The following MIS18BP1 variants were observed in gnomAD, a reference collection of about 807,000 sequenced individuals.
MIS18BP1 encodes the protein MIS18 binding protein 1.
In MIS18BP1, 72 loss-of-function variants were observed where a neutral mutation model predicts 116.1. The observed-to-expected ratio is 0.62, with a 90% CI of 0.51 to 0.75. The LOEUF (loss-of-function observed/expected upper bound fraction) is 0.75, where lower values mean the gene tolerates loss of function less well. Ranked by LOEUF, MIS18BP1 falls within the 30% of genes least tolerant of loss-of-function variation. The pLI, the probability that MIS18BP1 is intolerant of heterozygous loss-of-function variation, is 0.00. For missense variants in MIS18BP1, 1,363 were observed against 1,303.2 expected, an observed-to-expected ratio of 1.05 and a Z score of -0.71; for synonymous variants, 386 against 427.0, an observed-to-expected ratio of 0.90 and a Z score of 1.18.
intron 12 of MIS18BP1, among the ~76,000 whole-genome samples, chr14:45,217,514 A>T (rs1205298881): frequency 6.6e-6 from 1 of 152,200 alleles, no homozygotes; most frequent in Non-Finnish European, 1.5e-5. Flanking sequence ...TTATTTCTAC[A>T]CTGGGATCTG....
chr14:45,239,929 A>G (rs1446748081), intron 4 of MIS18BP1, among the ~76,000 whole-genome samples: 4 of 152,216 alleles, frequency 2.6e-5, no homozygotes, highest in Non-Finnish European at 1.5e-5. Flanking sequence ...ACTGGGGCCA[A>G]TGGTATTACA....
intron 11 of MIS18BP1, among the ~76,000 whole-genome samples, chr14:45,219,542 G>C (rs1039439815): frequency 6.6e-6 from 1 of 152,042 alleles, no homozygotes; most frequent in African/African-American, 2.4e-5. Flanking sequence ...TGAGTTTTAA[G>C]CATTATCTTT....
rs1890645573 is a variant in MIS18BP1 at position 45,210,482 on chromosome 14, T to G, written c.3050A>C (p.Asn1017Thr). The change falls in exon 14 of 17, where the codon AAT becomes ACT. Residue 1017 changes from asparagine (N) to threonine (T), a missense_variant. By Grantham distance (65) the Asn-to-Thr change is moderately conservative. Coordinates refer to ENST00000310806, the MANE Select transcript of MIS18BP1 (RefSeq NM_018353.5). ...DSEDDDDILP[N>T]MDKNPTTPSS... Reference sequence around the variant, plus strand: ...TGGAGTTGTTGGATTTTTGTCCATATTTGGCAGAATATCATCATCATCTTC... The same window carrying G: ...TGGAGTTGTTGGATTTTTGTCCATAGTTGGCAGAATATCATCATCATCTTC... 1 of 1,613,946 alleles carries G rather than the reference T, an allele frequency of 6.2e-7. No individual in the cohort carries two copies.
chr14:45,210,903 A>C (rs935003321), intron 13 of MIS18BP1, among the ~76,000 whole-genome samples: 1 of 152,200 alleles, frequency 6.6e-6, no homozygotes, highest in Non-Finnish European at 1.5e-5. Context: ...ACAGTGCCCA[A>C]ATCCACCATC....
Position 45,206,117 on chromosome 14 carries a change from C to G in MIS18BP1, c.3206G>C (p.Gly1069Ala), listed in dbSNP as rs1454981641. Residue 1069 changes from glycine to alanine, a missense_variant, in exon 15 of 17, where the codon GGT becomes GCT. Coordinates refer to ENST00000310806, the MANE Select transcript of MIS18BP1 (RefSeq NM_018353.5). ...CTTGATGTTGCCCCAGACAATACCA[C>G]CATTACTTTTATGATATTTTTGCAT... Reference protein sequence around the residue: ...FRMQKYHKSNGGIVWGNIKKK... With the variant: ...FRMQKYHKSNAGIVWGNIKKK... 4 of 1,608,608 alleles carry G rather than the reference C, an allele frequency of 2.5e-6. No homozygotes were observed. The highest frequency in any genetic ancestry group is 2.6e-6 in the Non-Finnish European group (3 of 1,175,674).
At chr14:45,243,388 T>C (rs973779083) in intron 2 of MIS18BP1, among the ~76,000 whole-genome samples, 1 of 152,168 alleles carries the variant, frequency 6.6e-6, no homozygotes, top group Non-Finnish European at 1.5e-5. Context: ...CAATTTTTAG[T>C]AGGCCTTCAA....
chr14:45,210,147 G>A (rs1890634694), intron 14 of MIS18BP1: 1 of 339,828 alleles, frequency 2.9e-6, no homozygotes, highest in African/African-American at 2.2e-5. Flanking sequence ...GTAAAACCTT[G>A]ATCCATTTCG....
At chr14:45,204,296 G>C in intron 16 of MIS18BP1, 84 bp from the exon 17 acceptor site, 2 of 1,534,374 alleles carry the variant, frequency 1.3e-6, no homozygotes, top group Non-Finnish European at 1.8e-6. Context: ...GGAATAAAAT[G>C]CTAAGTCTGT....
At position 45,224,292 on chromosome 14, in the gene MIS18BP1, A is replaced by T. The variant is rs1334397183; in HGVS notation, c.2295T>A (p.His765Gln). 2.5e-6 allele frequency: 4 copies of T among 1,613,690 alleles called. No homozygotes were observed. The African/African-American group carries it at 5.3e-5, about 22-fold the overall frequency. Residue 765 changes from histidine to glutamine, a missense_variant, in exon 11 of 17, where the codon CAT becomes CAA. Physicochemically the swap from His to Gln is conservative, Grantham distance 24. Coordinates refer to ENST00000310806, the MANE Select transcript of MIS18BP1 (RefSeq NM_018353.5). The stretch of plus-strand genomic sequence containing the variant: ...CACTTGACAAATCTGGTGAGGACTG[A>T]TGCTTATAAAATGACATAGCTACCT... ...ENQVAMSFYK[H>Q]QSSPDLSSEE...
At chr14:45,223,300 C>T (rs573708331) in intron 11 of MIS18BP1, among the ~76,000 whole-genome samples, 4 of 152,272 alleles carry the variant, frequency 2.6e-5, no homozygotes, top group Non-Finnish European at 4.4e-5. Context: ...CTTGTTAGGC[C>T]GGGCACGGTG....
At chr14:45,208,925 T>C (rs907562188) in intron 14 of MIS18BP1, among the ~76,000 whole-genome samples, 1 of 152,206 alleles carries the variant, frequency 6.6e-6, no homozygotes. Context: ...CCAAATGGAA[T>C]AGCCTATTTT....
Position 45,231,235 on chromosome 14 carries a change from G to A in MIS18BP1, c.1500C>T (p.Asp500=). Reference sequence around the variant, plus strand: ...CATCATTTTTCATTGATTTCCTTATGTCACGGACAGATCTTCCAGTTTTCT... The same window carrying A: ...CATCATTTTTCATTGATTTCCTTATATCACGGACAGATCTTCCAGTTTTCT... ...QKQKTGRSVR[D]IRKSMKNDAR... Residue 500 remains aspartate (D), a synonymous_variant, in exon 8 of 17, where the codon GAC becomes GAT. Coordinates refer to ENST00000310806, the MANE Select transcript of MIS18BP1 (RefSeq NM_018353.5). The A allele has an allele frequency of 6.2e-7, 1 of 1,613,400 alleles. No individual in the cohort carries two copies. The highest frequency in any genetic ancestry group is 1.3e-5 in the African/African-American group (1 of 75,000).
intron 13 of MIS18BP1, among the ~76,000 whole-genome samples, chr14:45,215,400 C>A (rs927245334): frequency 1.3e-5 from 2 of 152,042 alleles, no homozygotes; most frequent in African/African-American, 4.8e-5. Flanking sequence ...GTCTGTTATC[C>A]ACACATTTCT....
At chr14:45,241,195 T>C (rs1234024240) in intron 4 of MIS18BP1, among the ~76,000 whole-genome samples, 1 of 152,200 alleles carries the variant, frequency 6.6e-6, no homozygotes, top group African/African-American at 2.4e-5. Flanking sequence ...AATGGCTGGA[T>C]GCAGTGGCTC....
chr14:45,215,208 T>C (rs1457160771), intron 13 of MIS18BP1, among the ~76,000 whole-genome samples: 4 of 152,206 alleles, frequency 2.6e-5, no homozygotes, highest in African/African-American at 9.7e-5. Context: ...AAGACTTCCC[T>C]CTATAATCAG....
intron 14 of MIS18BP1, among the ~76,000 whole-genome samples, chr14:45,209,026 G>A (rs1041740596): frequency 6.6e-6 from 1 of 151,740 alleles, no homozygotes; most frequent in Admixed American, 6.6e-5. Flanking sequence ...TTATTTATAT[G>A]TTTCAAATTG....
At position 45,212,482 on chromosome 14, in the gene MIS18BP1, G is replaced by A. The variant is rs565291457; in HGVS notation, c.3004-1954C>T. On this transcript the variant is annotated intron_variant, in intron 13 of 16. Transcript: ENST00000310806. ...CCCCCCACCAGGAATGTTGTTAGGC[G>A]ACCATCCTGTGATGGTCAGGTGGTT... Among the ~76,000 whole-genome samples the A allele has an allele frequency of 4.2e-4, 64 of 152,236 alleles. No homozygotes were observed. In the South Asian group the frequency reaches 4.4e-3, roughly 10 times the overall value.
intron 10 of MIS18BP1, 120 bp from the exon 11 acceptor site, chr14:45,224,866 T>C: frequency 1.4e-6 from 1 of 717,144 alleles, no homozygotes; most frequent in Non-Finnish European, 2.2e-6. Flanking sequence ...AGCTACACTG[T>C]ATACCCACCT....
intron 13 of MIS18BP1, among the ~76,000 whole-genome samples, chr14:45,212,151 A>G (rs1043977618): frequency 1.3e-5 from 2 of 152,160 alleles, no homozygotes; most frequent in Non-Finnish European, 2.9e-5. Flanking sequence ...AACTCTACCC[A>G]GCCCTCTTAA....
Sources: allele counts gnomAD v4.1 joint callset (sites outside exome capture counted in the v4.1 genomes callset), GRCh38; gene constraint gnomAD v4.1.1; transcripts MANE v1.5; gene names NCBI Gene and HGNC (gene_info 2026-07-23, HGNC 2026-07-21).